The following CCDC171 variants were observed in gnomAD, a reference collection of about 807,000 sequenced individuals.
CCDC171 encodes coiled-coil domain containing 171, also known as coiled-coil domain-containing protein 171.
CCDC171 carries 177 observed loss-of-function variants against 168.2 expected under a neutral mutation model. The observed-to-expected ratio is 1.05, with a 90% CI of 0.93 to 1.19. CCDC171 has a LOEUF of 1.19. CCDC171 is among the 50% of genes most tolerant of loss of function. CCDC171 has a pLI of 0.00. For missense variants in CCDC171, 1,991 were observed against 1,539.0 expected (o/e 1.29, Z -4.91); for synonymous variants, 687 against 540.8 (o/e 1.27, Z -3.75).
chr9:16,089,738 GA>G, the CCDC171 span, among the ~76,000 whole-genome samples: 613 of 146,758 alleles, frequency 4.2e-3, no homozygotes, highest in African/African-American at 0.012. Flanking sequence ...AAATTTACAA[GA>G]AAAAAAAAAC....
In CCDC171 at chr9:15,563,958, A is replaced by G. The variant is rs1347108103; in HGVS notation, c.-111-20A>G. The G allele has an allele frequency of 8.9e-6, 6 of 677,444 alleles. No homozygotes were observed. Among genetic ancestry groups the G allele is most frequent in the East Asian group, 8.5e-5 (3 of 35,128 alleles). 42.0% of individuals were successfully genotyped at this position (677,444 alleles called of 1,614,324 possible). ...GTATCAGGACTCAAACTGCTATTGTATCATTTACTATTTTAACAGACCTCA... is the reference window on the plus strand; with the variant it reads ...GTATCAGGACTCAAACTGCTATTGTGTCATTTACTATTTTAACAGACCTCA... On this transcript the variant is annotated intron_variant, in intron 1 of 25. Transcript: ENST00000380701.
chr9:16,016,904 T>C (rs1833038169), intron 3 of CCDC171, among the ~76,000 whole-genome samples: 2 of 152,212 alleles, frequency 1.3e-5, no homozygotes. Context: ...TAAAATGATA[T>C]ATGATATGCA....
chr9:15,619,095 C>G (rs575317383), intron 6 of CCDC171, among the ~76,000 whole-genome samples: 1 of 152,192 alleles, frequency 6.6e-6, no homozygotes, highest in South Asian at 2.1e-4. Flanking sequence ...CTCTGTCCAG[C>G]CGTTCTTCCA....
chr9:15,658,504 C>T (rs923867939), intron 8 of CCDC171, among the ~76,000 whole-genome samples: 1 of 152,144 alleles, frequency 6.6e-6, no homozygotes, highest in Non-Finnish European at 1.5e-5. Context: ...ATCCTCAGAA[C>T]CTGTGAATAT....
At chr9:15,985,188 G>T (rs1831945267) in intron 3 of CCDC171, among the ~76,000 whole-genome samples, 1 of 152,066 alleles carries the variant, frequency 6.6e-6, no homozygotes, top group South Asian at 2.1e-4. Flanking sequence ...AGGAAGGGAG[G>T]CTCCATAATT....
At chr9:15,854,824 T>G (rs558476344) in intron 23 of CCDC171, among the ~76,000 whole-genome samples, 13 of 151,894 alleles carry the variant, frequency 8.6e-5, no homozygotes, top group Middle Eastern at 3.4e-3. Flanking sequence ...TTTTCTAATT[T>G]CTATGATTTC....
intron 8 of CCDC171, among the ~76,000 whole-genome samples, chr9:15,663,445 C>T (rs2048471698): frequency 6.6e-6 from 1 of 151,748 alleles, no homozygotes; most frequent in Non-Finnish European, 1.5e-5. Context: ...CCCTCCCATT[C>T]CTCTACCCTC....
intron 25 of CCDC171, among the ~76,000 whole-genome samples, chr9:15,926,357 A>G (rs1825892192): frequency 6.6e-6 from 1 of 151,670 alleles, no homozygotes; most frequent in Non-Finnish European, 1.5e-5. Flanking sequence ...AACAGCCCGT[A>G]CCCAGTGAGC....
At chr9:16,058,496 G>T (rs951712441) in intron 1 of CCDC171, among the ~76,000 whole-genome samples, 1 of 152,166 alleles carries the variant, frequency 6.6e-6, no homozygotes, top group East Asian at 1.9e-4. Flanking sequence ...TCTCCACACG[G>T]GGGCCTGTTC....
At position 15,916,310 on chromosome 9, in the gene CCDC171, A is replaced by G. The variant is rs77163238; in HGVS notation, c.3601-3960A>G. On this transcript the variant is annotated intron_variant, in intron 24 of 25. Coordinates refer to ENST00000380701, the MANE Select transcript of CCDC171 (RefSeq NM_173550.4). ...ATGTATTAATACTCATTTAATTTCT[A>G]TAAAATGTTATAAGGTATGAATTTT... Among the ~76,000 whole-genome samples the G allele has an allele frequency of 3.7e-3, 556 of 152,114 alleles. 4 individuals carry two copies. The highest frequency in any genetic ancestry group is 0.013 in the African/African-American group (544 of 41,560).
chr9:15,762,558 A>G (rs2056505924), intron 18 of CCDC171, among the ~76,000 whole-genome samples: 1 of 152,178 alleles, frequency 6.6e-6, no homozygotes, highest in Admixed American at 6.5e-5. Context: ...TAGATAGGAA[A>G]CTGTTCTGCA....
At chr9:15,990,687 C>T (rs971446541) in intron 3 of CCDC171, among the ~76,000 whole-genome samples, 1 of 152,168 alleles carries the variant, frequency 6.6e-6, no homozygotes, top group Non-Finnish European at 1.5e-5. Context: ...ACCCATCTTA[C>T]ATGCAGAGCC....
chr9:15,664,395 C>T (rs1185214249), intron 8 of CCDC171, among the ~76,000 whole-genome samples: 5 of 152,038 alleles, frequency 3.3e-5, no homozygotes, highest in African/African-American at 9.7e-5. Flanking sequence ...ATTACAAACG[C>T]GTGACACCAC....
chr9:16,076,577 C>T, the CCDC171 span, among the ~76,000 whole-genome samples: 6 of 152,168 alleles, frequency 3.9e-5, no homozygotes, highest in East Asian at 1.9e-4. Flanking sequence ...CCCATGCTTC[C>T]GGCAGCCTTC....
chr9:15,743,134 C>A (rs958281919), intron 16 of CCDC171, among the ~76,000 whole-genome samples: 4 of 131,162 alleles, frequency 3.0e-5, no homozygotes, highest in Non-Finnish European at 6.3e-5. Context: ...GGATCTGTTA[C>A]CTTCTTTTTT....
intron 7 of CCDC171, among the ~76,000 whole-genome samples, chr9:15,631,629 C>T (rs980244048): frequency 2.0e-5 from 3 of 152,150 alleles, no homozygotes; most frequent in Non-Finnish European, 4.4e-5. Flanking sequence ...GAAACTATTC[C>T]AGTCAATAGA....
intron 18 of CCDC171, among the ~76,000 whole-genome samples, chr9:15,752,416 ATTG>A (rs1363655828): frequency 6.6e-6 from 1 of 152,210 alleles, no homozygotes; most frequent in Non-Finnish European, 1.5e-5. Context: ...TACTGAAAGG[ATTG>A]TAAATCATGC....
intron 21 of CCDC171, among the ~76,000 whole-genome samples, chr9:15,809,448 G>A (rs1238968924): frequency 6.6e-6 from 1 of 152,186 alleles, no homozygotes; most frequent in East Asian, 1.9e-4. Flanking sequence ...CTCGTGGTGA[G>A]TGTTACAGTT....
chr9:15,627,225 T>C (rs2045220496), intron 7 of CCDC171, among the ~76,000 whole-genome samples: 1 of 152,174 alleles, frequency 6.6e-6, no homozygotes, highest in Non-Finnish European at 1.5e-5. Context: ...TTATTAGTCT[T>C]GCTAGCTGTC....
Sources: gnomAD v4.1 joint callset for allele counts (sites outside exome capture counted in the v4.1 genomes callset) on GRCh38, gnomAD v4.1.1 for gene constraint, MANE v1.5 for transcripts, NCBI Gene and HGNC (gene_info 2026-07-23, HGNC 2026-07-21) for gene names.